The following PF4 variants were observed in gnomAD, a reference collection of about 807,000 sequenced individuals.
The protein encoded by PF4 is C-X-C motif chemokine 4.
In PF4, 8 loss-of-function variants were observed where a neutral mutation model predicts 6.9. That is an observed-to-expected ratio of 1.16 (90% CI 0.68 to 2.09). PF4 has a LOEUF of 2.09. PF4 is among the 30% of genes most tolerant of loss of function. The pLI is 0.00. For missense variants in PF4, 111 were observed against 122.9 expected, an observed-to-expected ratio of 0.90 and a Z score of 0.46; for synonymous variants, 55 against 56.5, an observed-to-expected ratio of 0.97 and a Z score of 0.12.
chr4:73,981,599 T>C, intron 1 of PF4, 56 bp from the exon 2 acceptor site: 1 of 1,571,614 alleles, frequency 6.4e-7, no homozygotes, highest in Non-Finnish European at 8.6e-7. Context: ...GGTGACTCCA[T>C]GAGTAGCCAG....
chr4:73,981,983 G>A lies in PF4; in HGVS notation c.-30C>T. 1 of 1,532,630 alleles carries A rather than the reference G, an allele frequency of 6.5e-7. No homozygotes were observed. The highest frequency in any genetic ancestry group is 1.4e-5 in the African/African-American group (1 of 72,564). The allele number at this position is 1,532,630 out of a possible 1,614,324, so 94.9% of individuals were successfully genotyped here. A position where few individuals can be genotyped will look rare whatever the true frequency, so the allele number is the denominator to read the frequency against. On this transcript the variant is annotated 5_prime_UTR_variant, in exon 1 of 3. Coordinates refer to ENST00000296029, the MANE Select transcript of PF4 (RefSeq NM_002619.4). ...CGGCAGAGCTTCCAGCAGGATCTCA[G>A]TGCTCAGTGCGATGGGAAACTCGGG...
chr4:73,981,272 T>C lies in PF4; in HGVS notation c.238A>G (p.Arg80Gly). ...AQLIATLKNG[R>G]KICLDLQAPL... The stretch of plus-strand genomic sequence containing the variant: ...GCTTGCAGGTCCAAGCAAATTTTCC[T>C]TCCATTCTTCAGCGTGGCTCTGGCA... Residue 80 changes from arginine to glycine, a missense_variant, in exon 3 of 3, where the codon AGG (arginine) becomes GGG (glycine). Transcript: ENST00000296029. The C allele has an allele frequency of 6.2e-7, 1 of 1,614,250 alleles. No homozygotes were observed. Among genetic ancestry groups the C allele is most frequent in the Non-Finnish European group, 8.5e-7 (1 of 1,180,036 alleles).
In PF4 at chr4:73,980,955, T is replaced by C. The variant is rs1368521748; in HGVS notation, c.*249A>G. 1 of 499,520 alleles carries C rather than the reference T, an allele frequency of 2.0e-6. No homozygotes were observed. Among genetic ancestry groups the C allele is most frequent in the African/African-American group, 1.9e-5 (1 of 52,096 alleles). The allele number at this position is 499,520 out of a possible 1,614,324, so 30.9% of individuals were successfully genotyped here. Reference sequence around the variant, plus strand: ...CATGTAACACCAAGCATAACCAGTATTCACACCTTCCTTCAAAATACTTTT... The same window carrying C: ...CATGTAACACCAAGCATAACCAGTACTCACACCTTCCTTCAAAATACTTTT... On this transcript the variant is annotated 3_prime_UTR_variant, in exon 3 of 3. Transcript: ENST00000296029.
At chr4:73,981,724 G>A in intron 1 of PF4, 139 bp downstream of exon 1, 1 of 1,474,926 alleles carries the variant, frequency 6.8e-7, no homozygotes, top group Non-Finnish European at 9.0e-7. Context: ...GCAGCGCCTG[G>A]CACTGTGGCC....
At chr4:73,981,742 C>T in intron 1 of PF4, 121 bp downstream of exon 1, 3 of 1,478,300 alleles carry the variant, frequency 2.0e-6, no homozygotes, top group South Asian at 2.8e-5. Flanking sequence ...GCCAGACACT[C>T]AGCAGGCTCT....
rs1718777428 is a variant in PF4 at position 73,981,263 on chromosome 4, A to G, written c.247T>C (p.Cys83Arg). 1 of 1,614,260 alleles carries G rather than the reference A, an allele frequency of 6.2e-7. No homozygotes were observed. The highest frequency in any genetic ancestry group is 8.5e-7 in the Non-Finnish European group (1 of 1,180,046). The change falls in exon 3 of 3, where the codon TGC becomes CGC. Residue 83 changes from cysteine (C) to arginine (R), a missense_variant. Cys to Arg is a radical substitution (Grantham distance 180). Coordinates refer to ENST00000296029, the MANE Select transcript of PF4 (RefSeq NM_002619.4). ...IATLKNGRKI[C>R]LDLQAPLYKK... ...TACAGCGGGGCTTGCAGGTCCAAGC[A>G]AATTTTCCTTCCATTCTTCAGCGTG...
chr4:73,981,775 T>G (rs1029210023), intron 1 of PF4, 88 bp downstream of exon 1: 51 of 1,504,402 alleles, frequency 3.4e-5, no homozygotes, highest in Middle Eastern at 2.4e-4. Context: ...GCTGTGATCA[T>G]GATCCTAGAG....
chr4:73,982,105 T>C (rs1484241363), upstream of PF4: 1 of 443,314 alleles, frequency 2.3e-6, no homozygotes, highest in South Asian at 2.4e-5. Flanking sequence ...ACCGAGGAAC[T>C]GCGGTGCGGA....
At position 73,981,343 on chromosome 4, in the gene PF4, G is replaced by A. The variant is rs547972914; in HGVS notation, c.219-52C>T. The A allele has an allele frequency of 1.4e-5, 23 of 1,613,880 alleles. No individual in the cohort carries two copies. In the South Asian group the frequency reaches 2.2e-4, roughly 15 times the overall value. On this transcript the variant is annotated intron_variant, in intron 2 of 2. Coordinates refer to ENST00000296029, the MANE Select transcript of PF4 (RefSeq NM_002619.4). ...ACTTTCAGTCCTTGGGTTTGCAAAT[G>A]GCATTAGAAGGGGGAGGGTTGGGCA...
chr4:73,981,477 C>T lies in PF4; in HGVS notation c.158G>A (p.Arg53Lys). The T allele has an allele frequency of 2.5e-6, 4 of 1,614,178 alleles. No homozygotes were observed. In the South Asian group the frequency reaches 4.4e-5, roughly 18 times the overall value. Residue 53 changes from arginine to lysine, a missense_variant, in exon 2 of 3, where the codon AGG (arginine) becomes AAG (lysine). By Grantham distance (26) the Arg-to-Lys change is conservative (BLOSUM62 2). Transcript: ENST00000296029. ...CVKTTSQVRP[R>K]HITSLEVIKA... Reference sequence around the variant, plus strand: ...GATCACCTCCAGGCTGGTGATGTGCCTGGGACGGACCTGGGAGGTGGTCTT... The same window carrying T: ...GATCACCTCCAGGCTGGTGATGTGCTTGGGACGGACCTGGGAGGTGGTCTT...
At chr4:73,981,645 T>C in intron 1 of PF4, 102 bp from the exon 2 acceptor site, 1 of 1,497,040 alleles carries the variant, frequency 6.7e-7, no homozygotes, top group East Asian at 2.5e-5. Flanking sequence ...ACCTTCAGCC[T>C]TCTTTTCCTT....
chr4:73,981,302 A>T lies in PF4; in HGVS notation c.219-11T>A, dbSNP rs1207474683. On this transcript the variant is annotated splice_polypyrimidine_tract_variant and intron_variant, in intron 2 of 2. Transcript: ENST00000296029. ...TTCTTCAGCGTGGCTCTGGCAGGGA[A>T]AAGAGAAGAGATGTGACTTTCAGTC... 1 of 1,614,200 alleles carries T rather than the reference A, an allele frequency of 6.2e-7. No individual in the cohort carries two copies. Among genetic ancestry groups the T allele is most frequent in the East Asian group, 2.2e-5 (1 of 44,892 alleles).
Position 73,981,832 on chromosome 4 carries a change from C to T in PF4, c.91+31G>A. On this transcript the variant is annotated intron_variant, in intron 1 of 2. Transcript: ENST00000296029. ...CTTCCCGGACTCCCCCTCGCCGCTG[C>T]CAGCCCTCACAGCCTGGCTTCTGCT... 4 of 1,549,110 alleles carry T rather than the reference C, an allele frequency of 2.6e-6. No individual in the cohort carries two copies. In the South Asian group the frequency reaches 4.8e-5, roughly 18 times the overall value.
In PF4 at chr4:73,981,157, A is replaced by G. The variant is rs570398985; in HGVS notation, c.*47T>C. 3.9e-6 allele frequency: 5 copies of G among 1,293,518 alleles called. No individual in the cohort carries two copies. The South Asian group carries it at 4.8e-5, about 12-fold the overall frequency. 80.1% of individuals were successfully genotyped at this position (1,293,518 alleles called of 1,614,324 possible). A position where few individuals can be genotyped will look rare whatever the true frequency, so the allele number is the denominator to read the frequency against. ...TTCACAGTTAGATTGAAACTGGAAA[A>G]AAGAAGTATGCTATATAGCAAATGC... is the stretch of plus-strand genomic sequence containing the variant. On this transcript the variant is annotated 3_prime_UTR_variant, in exon 3 of 3. Coordinates refer to ENST00000296029, the MANE Select transcript of PF4 (RefSeq NM_002619.4).
chr4:73,981,284 G>A lies in PF4; in HGVS notation c.226C>T (p.Leu76=). ...HCPTAQLIAT[L]KNGRKICLDL... ...AAGCAAATTTTCCTTCCATTCTTCAGCGTGGCTCTGGCAGGGAAAAGAGAA... is the reference window on the plus strand; with the variant it reads ...AAGCAAATTTTCCTTCCATTCTTCAACGTGGCTCTGGCAGGGAAAAGAGAA... Residue 76 remains leucine, a synonymous_variant, in exon 3 of 3, where the codon CTG becomes TTG. Coordinates refer to ENST00000296029, the MANE Select transcript of PF4 (RefSeq NM_002619.4). The A allele has an allele frequency of 6.2e-7, 1 of 1,614,184 alleles. No homozygotes were observed. Among genetic ancestry groups the A allele is most frequent in the South Asian group, 1.1e-5 (1 of 91,084 alleles).
Position 73,981,999 on chromosome 4 carries a change from G to A in PF4, c.-46C>T, listed in dbSNP as rs1718816613. 6.7e-7 allele frequency: 1 copy of A among 1,482,344 alleles called. No individual in the cohort carries two copies. The highest frequency in any genetic ancestry group is 1.4e-5 in the African/African-American group (1 of 71,376). 91.8% of individuals were successfully genotyped at this position (1,482,344 alleles called of 1,614,324 possible). ...AGGATCTCAGTGCTCAGTGCGATGGGAAACTCGGGCTGGGTCTCTGTGGCC... is the reference window on the plus strand; with the variant it reads ...AGGATCTCAGTGCTCAGTGCGATGGAAAACTCGGGCTGGGTCTCTGTGGCC... On this transcript the variant is annotated 5_prime_UTR_variant, in exon 1 of 3. Transcript: ENST00000296029.
At position 73,981,780 on chromosome 4, in the gene PF4, C is replaced by T. The variant is rs953623758; in HGVS notation, c.91+83G>A. 2.0e-6 allele frequency: 3 copies of T among 1,517,544 alleles called. No homozygotes were observed. In the African/African-American group the frequency reaches 4.1e-5, roughly 21 times the overall value. 94.0% of individuals were successfully genotyped at this position (1,517,544 alleles called of 1,614,324 possible). A position where few individuals can be genotyped will look rare whatever the true frequency, so the allele number is the denominator to read the frequency against. On this transcript the variant is annotated intron_variant, in intron 1 of 2. Coordinates refer to ENST00000296029, the MANE Select transcript of PF4 (RefSeq NM_002619.4). The stretch of plus-strand genomic sequence containing the variant: ...GTTAAGTGTGGCTGTGATCATGATC[C>T]TAGAGGATTCCTCCCCAGCCCCAGG...
At chr4:73,981,564 G>A in intron 1 of PF4, 21 bp from the exon 2 acceptor site, 2 of 1,606,554 alleles carry the variant, frequency 1.2e-6, no homozygotes, top group Non-Finnish European at 1.7e-6. Flanking sequence ...AATGGAGAGG[G>A]TAAGAGAGGA....
chr4:73,981,447 G>T lies in PF4; in HGVS notation c.188C>A (p.Ala63Asp), dbSNP rs763257073. 6.2e-7 allele frequency: 1 copy of T among 1,614,186 alleles called. No homozygotes were observed. The highest frequency in any genetic ancestry group is 8.5e-7 in the Non-Finnish European group (1 of 1,180,028). Residue 63 changes from alanine (A) to aspartate (D), a missense_variant, in exon 2 of 3, where the codon GCC becomes GAC. By Grantham distance (126) the Ala-to-Asp change is moderately radical (BLOSUM62 -2). Transcript: ENST00000296029. The part of the protein sequence containing the change: ...RHITSLEVIK[A>D]GPHCPTAQLI... ...TTGGGCAGTGGGGCAGTGGGGTCCG[G>T]CCTTGATCACCTCCAGGCTGGTGAT...
Sources: allele counts gnomAD v4.1 joint callset, GRCh38; gene constraint gnomAD v4.1.1; transcripts MANE v1.5; gene names NCBI Gene and HGNC (gene_info 2026-07-23, HGNC 2026-07-21).